Variants in HSPA4 observed in about 807,000 individuals in gnomAD.
The protein encoded by HSPA4 is heat shock protein family A (Hsp70) member 4, also known as heat shock 70 kDa protein 4.
HSPA4 carries 25 observed loss-of-function variants against 106.2 expected under a neutral mutation model. The observed-to-expected ratio is 0.24, with a 90% confidence interval of 0.17 to 0.33. The LOEUF is 0.33. Ranked by LOEUF, HSPA4 falls within the 10% of genes least tolerant of loss-of-function variation. HSPA4 has a pLI of 1.00. For synonymous variants in HSPA4, 332 were observed against 333.6 expected (o/e 1.00, Z 0.05); for missense variants, 841 against 996.0 (o/e 0.84, Z 2.10).
intron 18 of HSPA4, 61 bp from the exon 19 acceptor site, chr5:133,104,172 G>C: frequency 6.4e-7 from 1 of 1,554,210 alleles, no homozygotes; most frequent in Non-Finnish European, 8.8e-7. Flanking sequence ...TTTGGGTTTA[G>C]CATGGCTTGT....
chr5:133,059,210 G>A (rs1418316480), intron 1 of HSPA4, among the ~76,000 whole-genome samples: 2 of 151,796 alleles, frequency 1.3e-5, no homozygotes, highest in African/African-American at 2.4e-5. Flanking sequence ...CACTTCGGGA[G>A]GCCAAGGCGG....
At chr5:133,095,940 T>C (rs1473437922) in intron 13 of HSPA4, among the ~76,000 whole-genome samples, 158 bp from the exon 14 acceptor site, 1 of 152,244 alleles carries the variant, frequency 6.6e-6, no homozygotes, top group Non-Finnish European at 1.5e-5. Flanking sequence ...ATTTACTTAT[T>C]TTTTATTTTC....
chr5:133,065,353 G>A (rs1458001946), intron 2 of HSPA4, among the ~76,000 whole-genome samples: 1 of 152,200 alleles, frequency 6.6e-6, no homozygotes, highest in Non-Finnish European at 1.5e-5. Context: ...GGTGTTATAA[G>A]TAATCTAGAG....
chr5:133,053,772 G>C (rs886631490), intron 1 of HSPA4, among the ~76,000 whole-genome samples: 6 of 151,996 alleles, frequency 3.9e-5, no homozygotes, highest in Non-Finnish European at 8.8e-5. Flanking sequence ...CGATTCTCCT[G>C]CCTCAGTCTC....
chr5:133,064,270 C>T (rs950666414), intron 1 of HSPA4, among the ~76,000 whole-genome samples: 118 of 152,288 alleles, frequency 7.7e-4, no homozygotes, highest in African/African-American at 2.7e-3. Context: ...TTTTGGGAGT[C>T]CAAGGTGGGT....
rs1287009846 is a variant in HSPA4 at position 133,052,719 on chromosome 5, A to AAG, written c.107+362_107+363insAG. The AAG allele has an allele frequency of 9.5e-5, 20 of 209,488 alleles. No individual in the cohort carries two copies. The South Asian group carries it at 2.5e-3, about 26-fold the overall frequency. The allele number at this position is 209,488 out of a possible 1,614,324, so 13.0% of individuals were successfully genotyped here. On this transcript the variant is annotated intron_variant, in intron 1 of 18. Transcript: ENST00000304858. ...CAGAGACCAGGCCCAGGTCGTACTG[A>AAG]GTCTTTTGAGTCCAACAGAAAGCTC...
chr5:133,067,322 TATA>T (rs1765319930), intron 2 of HSPA4, 92 bp from the exon 3 acceptor site: 1 of 1,083,922 alleles, frequency 9.2e-7, no homozygotes, highest in Non-Finnish European at 1.3e-6. Context: ...GGAGACTCTA[TATA>T]AAGTTAAAAT....
intron 17 of HSPA4, among the ~76,000 whole-genome samples, chr5:133,103,128 CG>C: frequency 6.6e-6 from 1 of 151,588 alleles, no homozygotes; most frequent in Non-Finnish European, 1.5e-5. Context: ...GTGGTGTGAT[CG>C]TAGTTCACTG....
intron 1 of HSPA4, among the ~76,000 whole-genome samples, chr5:133,053,231 C>G (rs373201953): frequency 6.6e-6 from 1 of 151,620 alleles, no homozygotes; most frequent in Non-Finnish European, 1.5e-5. Context: ...CAGTGTCTGC[C>G]TTTTGAATAC....
intron 4 of HSPA4, among the ~76,000 whole-genome samples, chr5:133,072,378 C>T (rs947872661): frequency 6.8e-6 from 1 of 147,014 alleles, no homozygotes; most frequent in African/African-American, 2.6e-5. Context: ...TTCTGCCTAG[C>T]CTGGTCCAGG....
chr5:133,053,944 G>A (rs1195987962), intron 1 of HSPA4, among the ~76,000 whole-genome samples: 1 of 151,422 alleles, frequency 6.6e-6, no homozygotes, highest in Non-Finnish European at 1.5e-5. Context: ...ACAGGCGTGA[G>A]TCACGGTGCC....
chr5:133,096,689 T>A (rs1434799909), intron 14 of HSPA4, among the ~76,000 whole-genome samples: 5 of 152,220 alleles, frequency 3.3e-5, no homozygotes, highest in African/African-American at 1.2e-4. Flanking sequence ...TCTTACTGAG[T>A]GATGCAAGGT....
intron 7 of HSPA4, among the ~76,000 whole-genome samples, chr5:133,083,961 A>G (rs1454326023): frequency 1.3e-5 from 2 of 152,248 alleles, no homozygotes; most frequent in Non-Finnish European, 2.9e-5. Context: ...CATATTAACC[A>G]GAATTCATTG....
rs1237853284 is a variant in HSPA4 at position 133,092,838 on chromosome 5, T to G, written c.1650+49T>G. On this transcript the variant is annotated intron_variant, in intron 13 of 18. Coordinates refer to ENST00000304858, the MANE Select transcript of HSPA4 (RefSeq NM_002154.4). ...TTTTTTTTTTTTTTTTTTTTTTTTT[T>G]GAGACAGAGTTTCAGTCTGTTGCCC... The G allele has an allele frequency of 4.2e-5, 31 of 737,564 alleles. 2 individuals are homozygous for G. The highest frequency in any genetic ancestry group is 3.2e-4 in the Admixed American group (9 of 28,000). 45.7% of individuals were successfully genotyped at this position (737,564 alleles called of 1,614,324 possible).
At chr5:133,062,638 G>A (rs779775695) in intron 1 of HSPA4, among the ~76,000 whole-genome samples, 3 of 152,146 alleles carry the variant, frequency 2.0e-5, no homozygotes, top group Non-Finnish European at 2.9e-5. Flanking sequence ...TGGCATAGTT[G>A]CAGAAAGGCT....
Position 133,052,267 on chromosome 5 carries a change from T to C in HSPA4, c.17T>C (p.Ile6Thr). 1.3e-6 allele frequency: 2 copies of C among 1,593,760 alleles called. No individual in the cohort carries two copies. Among genetic ancestry groups the C allele is most frequent in the Non-Finnish European group, 1.7e-6 (2 of 1,173,408 alleles). ...GCCGGCGCCATGTCGGTGGTGGGCA[T>C]AGACCTGGGCTTCCAGAGCTGCTAC... Reference protein sequence around the residue: MSVVGIDLGFQSCYVA... With the variant: MSVVGTDLGFQSCYVA... Residue 6 changes from isoleucine (I) to threonine (T), a missense_variant, in exon 1 of 19, where the codon ATA becomes ACA. Ile to Thr is a moderately conservative substitution (Grantham distance 89). Transcript: ENST00000304858.
intron 7 of HSPA4, among the ~76,000 whole-genome samples, chr5:133,083,870 A>C (rs1468651616): frequency 3.3e-5 from 5 of 152,128 alleles, no homozygotes; most frequent in Non-Finnish European, 7.4e-5. Flanking sequence ...TCTCAAAGTA[A>C]ATTGCATCTG....
intron 1 of HSPA4, among the ~76,000 whole-genome samples, chr5:133,054,062 C>G (rs1331713092): frequency 6.6e-6 from 1 of 152,144 alleles, no homozygotes; most frequent in African/African-American, 2.4e-5. Context: ...CTCACATTTC[C>G]TTTCCACTTG....
At chr5:133,070,954 C>T (rs1026610822) in intron 4 of HSPA4, among the ~76,000 whole-genome samples, 1 of 152,080 alleles carries the variant, frequency 6.6e-6, no homozygotes, top group African/African-American at 2.4e-5. Context: ...CTCTCTTCTG[C>T]TGCTTAGCTT....
Sources: allele counts gnomAD v4.1 joint callset (sites outside exome capture counted in the v4.1 genomes callset), GRCh38; gene constraint gnomAD v4.1.1; transcripts MANE v1.5; gene names NCBI Gene and HGNC (gene_info 2026-07-23, HGNC 2026-07-21).